TRPM6: variants seen among roughly 807,000 people sequenced by gnomAD.
TRPM6 encodes the protein channel kinase 2.
In TRPM6, 111 loss-of-function variants were observed where a neutral mutation model predicts 247.6. That is an observed-to-expected ratio of 0.45 (90% CI 0.38 to 0.52). The LOEUF is 0.52. Ranked by LOEUF, TRPM6 falls within the 20% of genes least tolerant of loss-of-function variation. TRPM6 has a pLI of 0.00. For missense variants in TRPM6, 2,126 were observed against 2,421.5 expected (o/e 0.88, Z 2.56); for synonymous variants, 892 against 853.8 (o/e 1.04, Z -0.78).
intron 7 of TRPM6, among the ~76,000 whole-genome samples, chr9:74,825,249 G>A (rs1423484896): frequency 6.6e-6 from 1 of 152,124 alleles, no homozygotes; most frequent in African/African-American, 2.4e-5. Context: ...GTGACAAAGT[G>A]AGACTCAGTC....
chr9:74,770,163 C>T (rs1395388792), intron 25 of TRPM6, among the ~76,000 whole-genome samples: 3 of 151,864 alleles, frequency 2.0e-5, no homozygotes, highest in Admixed American at 6.6e-5. Flanking sequence ...TAGAGAAGTC[C>T]AGATTTATAT....
At chr9:74,874,365 G>A (rs539970549) in intron 1 of TRPM6, among the ~76,000 whole-genome samples, 104 of 152,260 alleles carry the variant, frequency 6.8e-4, no homozygotes, top group Middle Eastern at 3.4e-3. Context: ...TCATCTGCTA[G>A]GCTGAAATTT....
intron 3 of TRPM6, among the ~76,000 whole-genome samples, chr9:74,847,689 A>G (rs1335056107): frequency 6.6e-6 from 1 of 151,562 alleles, no homozygotes; most frequent in Admixed American, 6.6e-5. Context: ...AGTCAAAGTC[A>G]TATATATATA....
chr9:74,761,924 T>TA, intron 26 of TRPM6, 75 bp downstream of exon 26: 1 of 1,558,912 alleles, frequency 6.4e-7, no homozygotes, highest in South Asian at 1.1e-5. Flanking sequence ...GTCACAGATT[T>TA]AAAAAACAAA....
intron 25 of TRPM6, among the ~76,000 whole-genome samples, chr9:74,765,824 T>C (rs914982012): frequency 2.0e-5 from 3 of 152,136 alleles, no homozygotes; most frequent in Admixed American, 6.5e-5. Flanking sequence ...AAATAGAAAT[T>C]AAAGATAAAA....
intron 12 of TRPM6, 107 bp downstream of exon 12, chr9:74,812,192 C>T (rs1364397667): frequency 6.9e-7 from 1 of 1,457,048 alleles, no homozygotes; most frequent in Non-Finnish European, 9.5e-7. Flanking sequence ...AGTCCAGCTA[C>T]TTCTAATTTC....
chr9:74,726,510 CA>C (rs1251671499), intron 38 of TRPM6, among the ~76,000 whole-genome samples: 2 of 151,700 alleles, frequency 1.3e-5, no homozygotes, highest in Non-Finnish European at 2.9e-5. Context: ...AACTCTGTCT[CA>C]AAAAAACAAA....
At chr9:74,724,778 G>A (rs1361807045) in intron 38 of TRPM6, 32 bp from the exon 39 acceptor site, 1 of 1,613,722 alleles carries the variant, frequency 6.2e-7, no homozygotes, top group South Asian at 1.1e-5. Context: ...AGGTTATAGT[G>A]GAACCCCAAG....
intron 9 of TRPM6, among the ~76,000 whole-genome samples, chr9:74,817,807 T>C (rs1464076108): frequency 1.3e-5 from 2 of 152,256 alleles, no homozygotes; most frequent in South Asian, 2.1e-4. Flanking sequence ...ACATTTCATA[T>C]AGTAGAAGGA....
At chr9:74,823,998 T>C (rs1388006111) in intron 7 of TRPM6, among the ~76,000 whole-genome samples, 4 of 152,130 alleles carry the variant, frequency 2.6e-5, no homozygotes. Flanking sequence ...TTAGTTTTGA[T>C]AGTGAGATTA....
rs1369747967 is a variant in TRPM6 at position 74,830,743 on chromosome 9, ATTTTTGTTTTT to A, written c.670-2805_670-2795del. 4.3e-4 allele frequency among the ~76,000 whole-genome samples: 46 copies of A among 106,238 alleles called. 1 individual carries two copies. The highest frequency in any genetic ancestry group is 1.6e-3 in the African/African-American group (43 of 27,138). 69.7% of individuals were successfully genotyped at this position (106,238 alleles called of 152,430 possible). The stretch of plus-strand genomic sequence containing the variant: ...AGGCGTGCACCACCATGCCCAGCTA[ATTTTTGTTTTT>A]TTTTTTTTTTTTTTTTTTTTTTTTG... On this transcript the variant is annotated intron_variant, in intron 6 of 38. Coordinates refer to ENST00000360774, the MANE Select transcript of TRPM6 (RefSeq NM_017662.5).
intron 24 of TRPM6, among the ~76,000 whole-genome samples, chr9:74,775,229 G>T (rs888294743): frequency 6.6e-6 from 1 of 152,100 alleles, no homozygotes; most frequent in South Asian, 2.1e-4. Flanking sequence ...TGTTGCCCAG[G>T]CCGAAGTGGC....
chr9:74,798,889 C>G (rs1360855642), intron 17 of TRPM6, among the ~76,000 whole-genome samples: 1 of 152,074 alleles, frequency 6.6e-6, no homozygotes, highest in African/African-American at 2.4e-5. Context: ...ATATGAAGAA[C>G]AAGAATTCAT....
chr9:74,828,141 C>T (rs528983654), intron 6 of TRPM6, among the ~76,000 whole-genome samples, 192 bp from the exon 7 acceptor site: 1 of 152,274 alleles, frequency 6.6e-6, no homozygotes, highest in South Asian at 2.1e-4. Flanking sequence ...ATCACAAGGT[C>T]AGGAGATAGA....
chr9:74,836,202 T>C (rs1286607798), intron 5 of TRPM6, among the ~76,000 whole-genome samples: 3 of 152,220 alleles, frequency 2.0e-5, no homozygotes, highest in Non-Finnish European at 4.4e-5. Context: ...GAATGTCATA[T>C]ACTATAGTTG....
chr9:74,784,399 C>T (rs984777785), intron 21 of TRPM6, among the ~76,000 whole-genome samples: 2 of 152,084 alleles, frequency 1.3e-5, no homozygotes, highest in African/African-American at 2.4e-5. Flanking sequence ...GAGGAATTTG[C>T]TTAACCTCCA....
intron 1 of TRPM6, among the ~76,000 whole-genome samples, chr9:74,883,228 T>C (rs1380126544): frequency 6.6e-6 from 1 of 152,226 alleles, no homozygotes; most frequent in Non-Finnish European, 1.5e-5. Context: ...TTCCCTTGTG[T>C]ATATATGCCA....
At chr9:74,881,999 T>C (rs1564065484) in intron 1 of TRPM6, among the ~76,000 whole-genome samples, 1 of 152,294 alleles carries the variant, frequency 6.6e-6, no homozygotes, top group East Asian at 1.9e-4. Context: ...GATATTTATA[T>C]GCAGCAGAAT....
chr9:74,825,902 T>C (rs138070828), intron 7 of TRPM6, among the ~76,000 whole-genome samples: 4 of 152,236 alleles, frequency 2.6e-5, no homozygotes, highest in African/African-American at 4.8e-5. Context: ...TTCCCTCTGC[T>C]CTGCTGGTCT....
Sources: allele counts gnomAD v4.1 joint callset (sites outside exome capture counted in the v4.1 genomes callset), GRCh38; gene constraint gnomAD v4.1.1; transcripts MANE v1.5; gene names NCBI Gene and HGNC (gene_info 2026-07-23, HGNC 2026-07-21).